PKHD1: variants seen among roughly 807,000 people sequenced by gnomAD.
The protein encoded by PKHD1 is fibrocystin.
In PKHD1, 291 loss-of-function variants were observed where a neutral mutation model predicts 412.0. That is an observed-to-expected ratio of 0.71 (90% CI 0.64 to 0.78). The LOEUF (loss-of-function observed/expected upper bound fraction) is 0.78. Among genes scored for constraint, PKHD1 ranks in the 30% least tolerant of loss-of-function variants. The pLI is 0.00. For missense variants in PKHD1, 4,825 were observed against 4,950.7 expected (o/e 0.97, Z 0.76); for synonymous variants, 1,777 against 1,821.5 (o/e 0.98, Z 0.62).
chr6:51,946,168 T>C (rs1789429020), intron 36 of PKHD1, among the ~76,000 whole-genome samples: 2 of 152,214 alleles, frequency 1.3e-5, no homozygotes, highest in African/African-American at 4.8e-5. Flanking sequence ...CAGGAACTAA[T>C]AATGATGCTA....
chr6:51,721,407 T>C lies in PKHD1; in HGVS notation c.10156+22978A>G, dbSNP rs1042443420. Reference sequence around the variant, plus strand: ...ATATACCAATAATAATATATTAATATGCCAATAATAATAATATCTCAATAT... The same window carrying C: ...ATATACCAATAATAATATATTAATACGCCAATAATAATAATATCTCAATAT... On this transcript the variant is annotated intron_variant, in intron 60 of 66. Transcript: ENST00000371117. 9 of 520,102 alleles carry C rather than the reference T, an allele frequency of 1.7e-5. No individual in the cohort carries two copies. In the East Asian group the frequency reaches 7.4e-4, roughly 43 times the overall value. 32.2% of individuals were successfully genotyped at this position (520,102 alleles called of 1,614,324 possible).
At chr6:52,040,116 G>A (rs1804607906) in intron 27 of PKHD1, among the ~76,000 whole-genome samples, 1 of 152,134 alleles carries the variant, frequency 6.6e-6, no homozygotes, top group Non-Finnish European at 1.5e-5. Context: ...GAGAAACAGT[G>A]ACTGACTACT....
At chr6:52,030,121 A>AT (rs1421615355) in intron 29 of PKHD1, among the ~76,000 whole-genome samples, 1 of 152,196 alleles carries the variant, frequency 6.6e-6, no homozygotes, top group African/African-American at 2.4e-5. Context: ...CAGAGCTGGT[A>AT]TCTATGGGAT....
intron 60 of PKHD1, among the ~76,000 whole-genome samples, chr6:51,732,563 C>T (rs1299069784): frequency 2.6e-5 from 4 of 152,138 alleles, no homozygotes; most frequent in East Asian, 1.9e-4. Flanking sequence ...CTACTAATCA[C>T]TTGGGAAATG....
chr6:52,057,750 C>T (rs1807994117), intron 16 of PKHD1, among the ~76,000 whole-genome samples: 1 of 152,096 alleles, frequency 6.6e-6, no homozygotes, highest in African/African-American at 2.4e-5. Context: ...TTACTTTCTA[C>T]TTTGTTCTAT....
rs567453329 is a variant in PKHD1, at chr6:51,991,534, A to G, written c.5751+18775T>C. 1.2e-4 allele frequency among the ~76,000 whole-genome samples: 19 copies of G among 152,358 alleles called. No individual in the cohort carries two copies. The South Asian group carries it at 3.3e-3, about 27-fold the overall frequency. ...AGCTGATAGCTGTTGAAGGTAGACA[A>G]TGGGTACACAGGGCTCATTATGCTA... On this transcript the variant is annotated intron_variant, in intron 35 of 66. Coordinates refer to ENST00000371117, the MANE Select transcript of PKHD1 (RefSeq NM_138694.4).
intron 35 of PKHD1, among the ~76,000 whole-genome samples, chr6:51,998,801 TGATCCATTG>T (rs575954689): frequency 2.0e-4 from 31 of 152,318 alleles, no homozygotes; most frequent in Non-Finnish European, 3.1e-4. Flanking sequence ...GTAGCTGAAA[TGATCCATTG>T]GTGTGTATTT....
chr6:51,893,597 T>C lies in PKHD1; in HGVS notation c.6997-6352A>G, dbSNP rs139274200. On this transcript the variant is annotated intron_variant, in intron 43 of 66. Transcript: ENST00000371117. The stretch of plus-strand genomic sequence containing the variant: ...CATATTTATGCAGGCAGCTGGCAGC[T>C]TGCGGGGAAGGTTTAAGGCAAGCAG... Among the ~76,000 whole-genome samples the C allele has an allele frequency of 5.5e-3, 841 of 152,332 alleles. 4 individuals are homozygous for C. The highest frequency in any genetic ancestry group is 0.01 in the Non-Finnish European group (691 of 68,034).
At chr6:52,077,310 A>G (rs915746148) in intron 5 of PKHD1, among the ~76,000 whole-genome samples, 13 of 152,180 alleles carry the variant, frequency 8.5e-5, no homozygotes, top group African/African-American at 3.1e-4. Context: ...CAGGGCCAGT[A>G]TGAAGAAACA....
At chr6:51,928,662 A>G (rs189687382) in intron 37 of PKHD1, among the ~76,000 whole-genome samples, 307 of 152,214 alleles carry the variant, frequency 2.0e-3, no homozygotes, top group African/African-American at 7.1e-3. Context: ...TATTTTTTGA[A>G]AAGAATACAG....
At chr6:51,655,600 C>T (rs1037918142) in intron 61 of PKHD1, among the ~76,000 whole-genome samples, 6 of 152,120 alleles carry the variant, frequency 3.9e-5, no homozygotes, top group Non-Finnish European at 8.8e-5. Context: ...ATATTACTTT[C>T]TATTGCTGTA....
chr6:51,894,326 C>T (rs2127581104), intron 43 of PKHD1, among the ~76,000 whole-genome samples: 2 of 152,324 alleles, frequency 1.3e-5, no homozygotes, highest in Middle Eastern at 6.8e-3. Context: ...ACTTATCACC[C>T]ATGGGTCCTC....
chr6:51,979,185 C>T (rs1167499126), intron 35 of PKHD1, among the ~76,000 whole-genome samples: 1 of 152,088 alleles, frequency 6.6e-6, no homozygotes, highest in African/African-American at 2.4e-5. Flanking sequence ...AAAGACCATA[C>T]AGAACATACA....
In PKHD1 at chr6:51,870,463, G is replaced by T. The variant is rs982874; in HGVS notation, c.7486+41C>A. 0.36 allele frequency: 534,489 copies of T among 1,505,382 alleles called. 106,749 individuals carry two copies. The highest frequency in any genetic ancestry group is 0.83 in the East Asian group (36,543 of 44,068). 93.3% of individuals were successfully genotyped at this position (1,505,382 alleles called of 1,614,324 possible). ...CTATTTATAATACTGACTTGAATATGGGCCTTATTTATCATCTGTTCTGTC... is the reference window on the plus strand; with the variant it reads ...CTATTTATAATACTGACTTGAATATTGGCCTTATTTATCATCTGTTCTGTC... On this transcript the variant is annotated intron_variant, in intron 47 of 66. Transcript: ENST00000371117.
intron 2 of PKHD1, among the ~76,000 whole-genome samples, chr6:52,084,518 A>G (rs1219369049): frequency 1.3e-5 from 2 of 152,238 alleles, no homozygotes; most frequent in East Asian, 1.9e-4. Flanking sequence ...AAAGAATTAC[A>G]TCACATAGCC....
chr6:51,705,633 G>C (rs1779930635), intron 60 of PKHD1, among the ~76,000 whole-genome samples: 1 of 151,938 alleles, frequency 6.6e-6, no homozygotes, highest in Non-Finnish European at 1.5e-5. Flanking sequence ...TCTCCCATAG[G>C]GCCCCATTTC....
chr6:51,816,371 G>A (rs1765466628), intron 52 of PKHD1, among the ~76,000 whole-genome samples: 1 of 152,204 alleles, frequency 6.6e-6, no homozygotes, highest in African/African-American at 2.4e-5. Flanking sequence ...GCATGTAGAT[G>A]TCTGTACACC....
At chr6:51,765,514 C>A (rs1412579468) in intron 55 of PKHD1, among the ~76,000 whole-genome samples, 1 of 152,066 alleles carries the variant, frequency 6.6e-6, no homozygotes, top group Non-Finnish European at 1.5e-5. Context: ...CCCCCTACCC[C>A]CACCCTAGGC....
At chr6:51,709,079 G>T (rs983454630) in intron 60 of PKHD1, among the ~76,000 whole-genome samples, 2 of 152,066 alleles carry the variant, frequency 1.3e-5, no homozygotes, top group Non-Finnish European at 2.9e-5. Flanking sequence ...CCCCTACTAC[G>T]TGCTCCCTTG....
Sources: gnomAD v4.1 joint callset for allele counts (sites outside exome capture counted in the v4.1 genomes callset) on GRCh38, gnomAD v4.1.1 for gene constraint, MANE v1.5 for transcripts, NCBI Gene and HGNC (gene_info 2026-07-23, HGNC 2026-07-21) for gene names.